MTMR7: variants seen among roughly 807,000 people sequenced by gnomAD.
MTMR7 encodes myotubularin related protein 7.
In MTMR7, 76 loss-of-function variants were observed where a neutral mutation model predicts 81.2. The observed-to-expected ratio is 0.94, with a 90% CI of 0.78 to 1.13. The LOEUF is 1.13. Among genes scored for constraint, MTMR7 ranks in the 50% most tolerant of loss-of-function variants. The probability of loss-of-function intolerance (pLI) is 0.00; values close to 1 mark genes in which losing one functional copy is unlikely to be tolerated. For missense variants in MTMR7, 1,044 were observed against 820.0 expected (o/e 1.27, Z -3.34); for synonymous variants, 372 against 289.8 (o/e 1.28, Z -2.88).
intron 1 of MTMR7, among the ~76,000 whole-genome samples, chr8:17,411,246 G>C (rs1225599778): frequency 6.6e-6 from 1 of 152,126 alleles, no homozygotes. Flanking sequence ...ATTTATACAA[G>C]TACATGACCA....
intron 1 of MTMR7, among the ~76,000 whole-genome samples, chr8:17,403,934 T>C (rs909952122): frequency 6.6e-5 from 10 of 152,268 alleles, no homozygotes; most frequent in African/African-American, 2.2e-4. Context: ...ATCTTGCAAC[T>C]TGACAGAATT....
In MTMR7 at chr8:17,408,397, A is replaced by G. The variant is rs987077502; in HGVS notation, c.24+4872T>C. Among the ~76,000 whole-genome samples the G allele has an allele frequency of 3.2e-4, 44 of 138,788 alleles. 1 individual carries two copies. Among genetic ancestry groups the G allele is most frequent in the African/African-American group, 1.3e-3 (42 of 32,006 alleles). The allele number at this position is 138,788 out of a possible 152,430, so 91.1% of individuals were successfully genotyped here. A position where few individuals can be genotyped will look rare whatever the true frequency, so the allele number is the denominator to read the frequency against. On this transcript the variant is annotated intron_variant, in intron 1 of 13. Coordinates refer to ENST00000180173, the MANE Select transcript of MTMR7 (RefSeq NM_004686.5). ...GGCGACAGAGCGAGACTCCGTCTCA[A>G]AAAAAAAAAAAAAAAAAAAAAGAAC... is the stretch of plus-strand genomic sequence containing the variant.
At chr8:17,354,655 C>G (rs1235739831) in intron 4 of MTMR7, among the ~76,000 whole-genome samples, 2 of 152,166 alleles carry the variant, frequency 1.3e-5, no homozygotes, top group African/African-American at 4.8e-5. Flanking sequence ...TCAAATGACA[C>G]TTCCTGACCC....
chr8:17,333,607 T>C (rs1429236722), intron 6 of MTMR7, among the ~76,000 whole-genome samples: 1 of 152,158 alleles, frequency 6.6e-6, no homozygotes, highest in African/African-American at 2.4e-5. Context: ...TCCAGCATTC[T>C]GGGAGGCAGA....
At chr8:17,395,409 T>C (rs1388813958) in intron 1 of MTMR7, among the ~76,000 whole-genome samples, 2 of 152,166 alleles carry the variant, frequency 1.3e-5, no homozygotes, top group Non-Finnish European at 2.9e-5. Flanking sequence ...TGTGTCCCTG[T>C]TTTTAATTCT....
At chr8:17,397,496 G>A (rs899294954) in intron 1 of MTMR7, among the ~76,000 whole-genome samples, 1 of 152,204 alleles carries the variant, frequency 6.6e-6, no homozygotes, top group Non-Finnish European at 1.5e-5. Context: ...CTGCAGAAAG[G>A]AGAGGGAAGA....
intron 4 of MTMR7, among the ~76,000 whole-genome samples, chr8:17,350,339 A>G (rs1819689484): frequency 6.6e-6 from 1 of 152,242 alleles, no homozygotes; most frequent in Non-Finnish European, 1.5e-5. Flanking sequence ...ACAGTTCCAC[A>G]TGGCTGGGAG....
At chr8:17,393,178 G>C (rs1280826734) in intron 1 of MTMR7, among the ~76,000 whole-genome samples, 12 of 152,118 alleles carry the variant, frequency 7.9e-5, no homozygotes, top group African/African-American at 2.9e-4. Context: ...AATGGAGTAG[G>C]AAAATTACTT....
chr8:17,336,235 C>G (rs569850751), intron 6 of MTMR7, among the ~76,000 whole-genome samples: 1 of 152,178 alleles, frequency 6.6e-6, no homozygotes, highest in Admixed American at 6.5e-5. Context: ...ACACCCACCC[C>G]AGTCACCTAC....
Position 17,299,774 on chromosome 8 carries a change from T to C in MTMR7, c.*88A>G. ...AGTAGTTCTCAATGACATGCACCAT[T>C]TCCTGTTTTTACAATAAACCACCTT... On this transcript the variant is annotated 3_prime_UTR_variant, in exon 14 of 14. Transcript: ENST00000180173. 2 of 1,535,958 alleles carry C rather than the reference T, an allele frequency of 1.3e-6. No homozygotes were observed. Among genetic ancestry groups the C allele is most frequent in the Middle Eastern group, 1.8e-4 (1 of 5,546 alleles).
intron 3 of MTMR7, among the ~76,000 whole-genome samples, chr8:17,364,670 G>T (rs1406332531): frequency 6.6e-6 from 1 of 152,130 alleles, no homozygotes; most frequent in Non-Finnish European, 1.5e-5. Flanking sequence ...AGAACATATG[G>T]TATTTGTTAT....
chr8:17,316,493 T>C (rs1358076637), intron 7 of MTMR7, among the ~76,000 whole-genome samples: 2 of 151,032 alleles, frequency 1.3e-5, no homozygotes, highest in African/African-American at 4.9e-5. Context: ...TTCTACAGTC[T>C]CCTTGTGGAA....
intron 1 of MTMR7, among the ~76,000 whole-genome samples, chr8:17,395,455 A>G (rs927287953): frequency 5.3e-5 from 8 of 152,224 alleles, no homozygotes; most frequent in African/African-American, 1.9e-4. Context: ...ATGCTGAGTC[A>G]TATGATAATT....
At chr8:17,332,909 A>G (rs969917246) in intron 6 of MTMR7, among the ~76,000 whole-genome samples, 1 of 152,262 alleles carries the variant, frequency 6.6e-6, no homozygotes, top group Admixed American at 6.5e-5. Context: ...CAGCAGAAAG[A>G]CAGCATGGCA....
chr8:17,329,284 A>C (rs1394306150), intron 7 of MTMR7, among the ~76,000 whole-genome samples: 2 of 152,194 alleles, frequency 1.3e-5, no homozygotes, highest in African/African-American at 4.8e-5. Flanking sequence ...GCAATGGTTT[A>C]TAATTTACTC....
intron 1 of MTMR7, among the ~76,000 whole-genome samples, chr8:17,398,865 C>T (rs1043145052): frequency 6.6e-6 from 1 of 152,096 alleles, no homozygotes; most frequent in Non-Finnish European, 1.5e-5. Context: ...TTTCCTTTTG[C>T]ACGTCTGTTT....
intron 4 of MTMR7, among the ~76,000 whole-genome samples, chr8:17,355,532 A>G (rs1211508569): frequency 1.3e-5 from 2 of 152,090 alleles, no homozygotes; most frequent in Admixed American, 6.5e-5. Context: ...TACAGCGTCA[A>G]ATTGGGACAA....
intron 7 of MTMR7, among the ~76,000 whole-genome samples, chr8:17,325,362 G>A (rs1818629031): frequency 6.6e-6 from 1 of 152,130 alleles, no homozygotes; most frequent in African/African-American, 2.4e-5. Flanking sequence ...AATCCATCAG[G>A]CCTCAAAACC....
intron 4 of MTMR7, among the ~76,000 whole-genome samples, chr8:17,354,348 T>C (rs1819822522): frequency 6.6e-6 from 1 of 152,230 alleles, no homozygotes; most frequent in Non-Finnish European, 1.5e-5. Context: ...GTTTGGGTTG[T>C]ATTTTATATT....
Sources: gnomAD v4.1 joint callset for allele counts (sites outside exome capture counted in the v4.1 genomes callset) on GRCh38, gnomAD v4.1.1 for gene constraint, MANE v1.5 for transcripts, NCBI Gene and HGNC (gene_info 2026-07-23, HGNC 2026-07-21) for gene names.